Variants in SNX14 observed in about 807,000 individuals in gnomAD.
SNX14 encodes the protein sorting nexin-14.
In SNX14, 93 loss-of-function variants were observed where a neutral mutation model predicts 133.8. That is an observed-to-expected ratio of 0.70 (90% CI 0.59 to 0.83). The LOEUF (loss-of-function observed/expected upper bound fraction) is 0.83, where lower values mean the gene tolerates loss of function less well. SNX14 is among the 40% of genes least tolerant of loss of function. The pLI is 0.00. For missense variants in SNX14, 945 were observed against 1,094.9 expected (o/e 0.86, Z 1.93); for synonymous variants, 368 against 365.6 (o/e 1.01, Z -0.07).
At chr6:85,586,597 T>C (rs1357021011) in intron 1 of SNX14, among the ~76,000 whole-genome samples, 2 of 152,192 alleles carry the variant, frequency 1.3e-5, no homozygotes, top group Non-Finnish European at 2.9e-5. Context: ...CTATCTTTTA[T>C]AGAGACATGG....
chr6:85,555,301 A>T (rs991565313), intron 7 of SNX14, among the ~76,000 whole-genome samples: 2 of 152,270 alleles, frequency 1.3e-5, no homozygotes, highest in Non-Finnish European at 2.9e-5. Flanking sequence ...TTATAACAGC[A>T]TTATTTATAA....
intron 17 of SNX14, among the ~76,000 whole-genome samples, chr6:85,534,989 T>C (rs1405243253): frequency 1.3e-5 from 2 of 151,482 alleles, no homozygotes; most frequent in African/African-American, 4.8e-5. Context: ...AACATTATTT[T>C]GAAAAAGACT....
At chr6:85,521,618 A>G (rs1344752551) in intron 21 of SNX14, among the ~76,000 whole-genome samples, 1 of 151,970 alleles carries the variant, frequency 6.6e-6, no homozygotes, top group African/African-American at 2.4e-5. Context: ...TTGTCTCTTC[A>G]CTCTGCTGCT....
intron 6 of SNX14, among the ~76,000 whole-genome samples, chr6:85,559,438 G>A (rs1790820066): frequency 6.6e-6 from 1 of 152,064 alleles, no homozygotes; most frequent in African/African-American, 2.4e-5. Flanking sequence ...GAATTAAAAT[G>A]GTAAAATAAT....
intron 26 of SNX14, among the ~76,000 whole-genome samples, chr6:85,512,452 T>C (rs1773263198): frequency 6.6e-6 from 1 of 152,000 alleles, no homozygotes; most frequent in Non-Finnish European, 1.5e-5. Flanking sequence ...GGAAACCCCA[T>C]CTCCACTAAA....
chr6:85,555,556 G>A (rs756185197), intron 7 of SNX14, among the ~76,000 whole-genome samples: 4 of 152,222 alleles, frequency 2.6e-5, no homozygotes, highest in Non-Finnish European at 5.9e-5. Context: ...GTGGTTGCCA[G>A]GGATTCCCAG....
chr6:85,509,655 A>G (rs1467933272), intron 26 of SNX14, among the ~76,000 whole-genome samples: 1 of 152,188 alleles, frequency 6.6e-6, no homozygotes, highest in Admixed American at 6.5e-5. Context: ...GTTACAACTG[A>G]TAACACACAT....
intron 8 of SNX14, 27 bp downstream of exon 8, chr6:85,549,696 C>T (rs777845619): frequency 6.3e-7 from 1 of 1,589,448 alleles, no homozygotes; most frequent in East Asian, 2.3e-5. Flanking sequence ...TATGCAAATA[C>T]TATTATATTG....
chr6:85,548,473 T>C, intron 8 of SNX14, 97 bp from the exon 9 acceptor site: 1 of 921,902 alleles, frequency 1.1e-6, no homozygotes, highest in Non-Finnish European at 1.6e-6. Flanking sequence ...CTTGTTAAAA[T>C]GGAGACTATA....
intron 7 of SNX14, among the ~76,000 whole-genome samples, chr6:85,550,726 T>C (rs1787520755): frequency 6.6e-6 from 1 of 152,070 alleles, no homozygotes. Flanking sequence ...CTCAAACTTC[T>C]GAACTGAAGC....
chr6:85,529,281 G>A (rs184544975), intron 19 of SNX14, among the ~76,000 whole-genome samples: 3 of 150,982 alleles, frequency 2.0e-5, no homozygotes, highest in Admixed American at 2.0e-4. Flanking sequence ...ATGAAGGAAG[G>A]AAGGAAATAA....
At chr6:85,563,205 A>G (rs1792364351) in intron 6 of SNX14, among the ~76,000 whole-genome samples, 1 of 152,138 alleles carries the variant, frequency 6.6e-6, no homozygotes, top group African/African-American at 2.4e-5. Context: ...GAGTAATTTA[A>G]CAAGATTAAT....
intron 27 of SNX14, among the ~76,000 whole-genome samples, 183 bp from the exon 28 acceptor site, chr6:85,507,472 T>C (rs981090756): frequency 1.3e-5 from 2 of 152,154 alleles, no homozygotes; most frequent in East Asian, 1.9e-4. Flanking sequence ...ATTCTCAAAA[T>C]AGGTAATAAG....
intron 16 of SNX14, 36 bp downstream of exon 16, chr6:85,538,802 T>C: frequency 6.4e-7 from 1 of 1,571,616 alleles, no homozygotes; most frequent in Non-Finnish European, 8.6e-7. Flanking sequence ...TCTAAAAACA[T>C]TTAATACTGA....
chr6:85,552,163 A>C (rs1023151580), intron 7 of SNX14, among the ~76,000 whole-genome samples: 6 of 148,704 alleles, frequency 4.0e-5, no homozygotes, highest in Admixed American at 2.7e-4. Flanking sequence ...CAGCCTCCCA[A>C]GTAGCTGGGA....
intron 1 of SNX14, among the ~76,000 whole-genome samples, chr6:85,575,909 G>A (rs909408611): frequency 6.6e-6 from 1 of 152,214 alleles, no homozygotes; most frequent in African/African-American, 2.4e-5. Context: ...GTTATCGGAT[G>A]AGAAGAAGAC....
intron 8 of SNX14, 49 bp from the exon 9 acceptor site, chr6:85,548,425 G>A: frequency 7.3e-7 from 1 of 1,371,072 alleles, no homozygotes; most frequent in Non-Finnish European, 1.0e-6. Flanking sequence ...ATTTATATTA[G>A]TTCTTAACTT....
Position 85,514,498 on chromosome 6 carries a change from G to C in SNX14, c.2392+8C>G. 1 of 1,612,052 alleles carries C rather than the reference G, an allele frequency of 6.2e-7. No individual in the cohort carries two copies. Among genetic ancestry groups the C allele is most frequent in the Non-Finnish European group, 8.5e-7 (1 of 1,179,350 alleles). ...TGAAAAACAAGTCTTAAACCACTTA[G>C]ATCTTACCTACATACATCAGGTAAT... On this transcript the variant is annotated splice_region_variant and intron_variant, in intron 24 of 28. Transcript: ENST00000314673.
rs142853747 is a variant in SNX14, at chr6:85,527,760, A to C, written c.1995+502T>G. On this transcript the variant is annotated intron_variant, in intron 20 of 28. Transcript: ENST00000314673. ...GCACACACTGAGAAAAATGGAATTC[A>C]ACTCCACGTAGCAAATAGTAGAGTT... Among the ~76,000 whole-genome samples, 254 of 152,254 alleles carry C rather than the reference A, an allele frequency of 1.7e-3. 1 individual carries two copies. Among genetic ancestry groups the C allele is most frequent in the African/African-American group, 5.6e-3 (234 of 41,540 alleles).
Sources: gnomAD v4.1 joint callset for allele counts (sites outside exome capture counted in the v4.1 genomes callset) on GRCh38, gnomAD v4.1.1 for gene constraint, MANE v1.5 for transcripts, NCBI Gene and HGNC (gene_info 2026-07-23, HGNC 2026-07-21) for gene names.